Variants in PPFIBP2 observed in about 807,000 individuals in gnomAD.
The protein encoded by PPFIBP2 is liprin-beta-2.
In PPFIBP2, 118 loss-of-function variants were observed where a neutral mutation model predicts 118.3. That is an observed-to-expected ratio of 1.00 (90% CI 0.86 to 1.16). The LOEUF (loss-of-function observed/expected upper bound fraction) is 1.16. Among genes scored for constraint, PPFIBP2 ranks in the 50% most tolerant of loss-of-function variants. PPFIBP2 has a pLI of 0.00. For synonymous variants in PPFIBP2, 414 were observed against 397.4 expected, an observed-to-expected ratio of 1.04 and a Z score of -0.50; for missense variants, 1,195 against 1,073.1, an observed-to-expected ratio of 1.11 and a Z score of -1.59.
At chr11:7,595,303 C>G (rs1280997052) in intron 4 of PPFIBP2, among the ~76,000 whole-genome samples, 1 of 152,200 alleles carries the variant, frequency 6.6e-6, no homozygotes, top group African/African-American at 2.4e-5. Flanking sequence ...TAATTTGAAA[C>G]TCTTATCCCA....
intron 6 of PPFIBP2, among the ~76,000 whole-genome samples, chr11:7,619,912 G>A (rs536729985): frequency 6.6e-6 from 1 of 152,220 alleles, no homozygotes; most frequent in Non-Finnish European, 1.5e-5. Flanking sequence ...AGTTTGTTGT[G>A]TGAGACTGCA....
chr11:7,629,617 C>T, intron 10 of PPFIBP2, 83 bp downstream of exon 10: 1 of 1,330,660 alleles, frequency 7.5e-7, no homozygotes. Flanking sequence ...CTGCTAGCAG[C>T]TGTTTCACCT....
At chr11:7,530,138 T>G (rs770042479) in intron 1 of PPFIBP2, among the ~76,000 whole-genome samples, 1 of 152,228 alleles carries the variant, frequency 6.6e-6, no homozygotes, top group Non-Finnish European at 1.5e-5. Context: ...GAACATGTTC[T>G]CTGATGTGGA....
chr11:7,542,003 C>T (rs1851841424), intron 1 of PPFIBP2, among the ~76,000 whole-genome samples: 2 of 152,214 alleles, frequency 1.3e-5, no homozygotes, highest in Non-Finnish European at 2.9e-5. Flanking sequence ...CACTTCATCT[C>T]TTGCCGGGTT....
chr11:7,527,124 A>T (rs980912941), intron 1 of PPFIBP2, among the ~76,000 whole-genome samples: 5 of 151,784 alleles, frequency 3.3e-5, no homozygotes, highest in South Asian at 2.1e-4. Context: ...TACCCTAGGA[A>T]GTCTGACTGT....
chr11:7,545,231 C>T (rs147567863), intron 1 of PPFIBP2, among the ~76,000 whole-genome samples: 1 of 152,098 alleles, frequency 6.6e-6, no homozygotes, highest in African/African-American at 2.4e-5. Context: ...GAGTTCAAGA[C>T]CAGCCTGGCC....
intron 8 of PPFIBP2, among the ~76,000 whole-genome samples, chr11:7,626,990 A>AG (rs1400546470): frequency 1.3e-5 from 2 of 152,194 alleles, no homozygotes; most frequent in African/African-American, 4.8e-5. Flanking sequence ...CTACCTGCCA[A>AG]GGCCTGCTTG....
intron 5 of PPFIBP2, among the ~76,000 whole-genome samples, chr11:7,601,432 G>C (rs934716179): frequency 6.6e-6 from 1 of 152,208 alleles, no homozygotes; most frequent in African/African-American, 2.4e-5. Context: ...GCCCACGGCA[G>C]GATGTGGGAT....
chr11:7,592,122 C>G (rs1859431747), intron 3 of PPFIBP2, among the ~76,000 whole-genome samples: 1 of 152,170 alleles, frequency 6.6e-6, no homozygotes, highest in African/African-American at 2.4e-5. Flanking sequence ...TTGTATAATA[C>G]TCAGTTCCAC....
intron 4 of PPFIBP2, among the ~76,000 whole-genome samples, chr11:7,596,470 A>G (rs1201609910): frequency 6.6e-6 from 1 of 151,918 alleles, no homozygotes; most frequent in Non-Finnish European, 1.5e-5. Context: ...ATGTTTCAAT[A>G]ATTCATTAAT....
intron 2 of PPFIBP2, among the ~76,000 whole-genome samples, chr11:7,557,489 C>CTTTTTTTT (rs57734219): frequency 9.3e-6 from 1 of 107,916 alleles, no homozygotes; most frequent in South Asian, 2.8e-4. Flanking sequence ...CTCATTGGCA[C>CTTTTTTTT]TTTTTTTTTT....
At chr11:7,596,329 C>T (rs1590451654) in intron 4 of PPFIBP2, among the ~76,000 whole-genome samples, 1 of 151,726 alleles carries the variant, frequency 6.6e-6, no homozygotes, top group South Asian at 2.1e-4. Flanking sequence ...GATTAATAAA[C>T]ACCCACCCAC....
intron 1 of PPFIBP2, among the ~76,000 whole-genome samples, chr11:7,532,094 G>A (rs61890186): frequency 0.44 from 66,485 of 151,818 alleles, 14,963 homozygotes; most frequent in African/African-American, 0.51. Context: ...CACTCACCTC[G>A]GCCTCCCAAA....
At chr11:7,520,975 A>G (rs997017829) in intron 1 of PPFIBP2, among the ~76,000 whole-genome samples, 2 of 152,212 alleles carry the variant, frequency 1.3e-5, no homozygotes, top group Non-Finnish European at 2.9e-5. Context: ...CATCTGGTAA[A>G]TAAGCCTCTA....
chr11:7,552,093 G>T (rs1853063461), intron 2 of PPFIBP2, among the ~76,000 whole-genome samples: 1 of 152,226 alleles, frequency 6.6e-6, no homozygotes. Flanking sequence ...TAGAGAGAAG[G>T]CATTCTTTGC....
chr11:7,567,705 G>A (rs931968790), intron 3 of PPFIBP2, among the ~76,000 whole-genome samples: 8 of 152,140 alleles, frequency 5.3e-5, no homozygotes, highest in African/African-American at 9.7e-5. Flanking sequence ...TAATCTGTAT[G>A]GGAATAGAAT....
At chr11:7,621,978 C>T (rs1049941110) in intron 7 of PPFIBP2, among the ~76,000 whole-genome samples, 2 of 152,198 alleles carry the variant, frequency 1.3e-5, no homozygotes, top group Non-Finnish European at 2.9e-5. Context: ...CAGGCACTAC[C>T]ATTGCTAATA....
At position 7,649,515 on chromosome 11, in the gene PPFIBP2, A is replaced by G; in HGVS notation, c.1999-17A>G. 1.2e-6 allele frequency: 2 copies of G among 1,614,140 alleles called. No individual in the cohort carries two copies. Among genetic ancestry groups the G allele is most frequent in the Non-Finnish European group, 1.7e-6 (2 of 1,179,986 alleles). On this transcript the variant is annotated splice_polypyrimidine_tract_variant and intron_variant, in intron 20 of 23. Transcript: ENST00000299492. ...CTTTGGAAACTCTGGTTTATAAACC[A>G]AACTTTCCTCTTTCAGAACGATTTA... is the stretch of plus-strand genomic sequence containing the variant.
chr11:7,553,376 T>C (rs1322198293), intron 2 of PPFIBP2, among the ~76,000 whole-genome samples: 1 of 152,204 alleles, frequency 6.6e-6, no homozygotes, highest in Non-Finnish European at 1.5e-5. Flanking sequence ...TTTTCTATGC[T>C]ATTCTTGATA....
Sources: gnomAD v4.1 joint callset for allele counts (sites outside exome capture counted in the v4.1 genomes callset) on GRCh38, gnomAD v4.1.1 for gene constraint, MANE v1.5 for transcripts, NCBI Gene and HGNC (gene_info 2026-07-23, HGNC 2026-07-21) for gene names.